The following MAPRE1 variants were observed in gnomAD, a reference collection of about 807,000 sequenced individuals.
The protein encoded by MAPRE1 is microtubule-associated protein RP/EB family member 1.
MAPRE1 carries 5 observed loss-of-function variants against 32.1 expected under a neutral mutation model. The observed-to-expected ratio is 0.16, with a 90% CI of 0.08 to 0.33. The LOEUF (loss-of-function observed/expected upper bound fraction) is 0.33. MAPRE1 is among the 10% of genes least tolerant of loss of function. The pLI is 1.00. For synonymous variants in MAPRE1, 122 were observed against 118.9 expected (o/e 1.03, Z -0.17); for missense variants, 209 against 327.2 (o/e 0.64, Z 2.79).
At chr20:32,843,380 G>T (rs1443444357) in intron 5 of MAPRE1, 3 of 152,172 alleles carry the variant, frequency 2.0e-5, no homozygotes, top group Non-Finnish European at 4.4e-5. Flanking sequence ...GATCTGCAAA[G>T]ATTCTACATT....
chr20:32,828,939 G>A (rs530538762), intron 2 of MAPRE1, among the ~76,000 whole-genome samples: 23 of 149,304 alleles, frequency 1.5e-4, no homozygotes, highest in African/African-American at 5.4e-4. Context: ...TTTGTCAGTT[G>A]TTTTTTTTTT....
chr20:32,832,372 G>A (rs1431255430), intron 2 of MAPRE1, among the ~76,000 whole-genome samples: 1 of 135,848 alleles, frequency 7.4e-6, no homozygotes, highest in Non-Finnish European at 1.5e-5. Flanking sequence ...GAAAGTTTAA[G>A]CAGTAATAAA....
intron 2 of MAPRE1, among the ~76,000 whole-genome samples, chr20:32,832,625 G>A (rs759649289): frequency 3.3e-5 from 5 of 151,692 alleles, no homozygotes; most frequent in East Asian, 1.9e-4. Flanking sequence ...ATGCCAACAC[G>A]CCAAGCTAAT....
At chr20:32,826,205 C>G (rs1200383070) in intron 2 of MAPRE1, among the ~76,000 whole-genome samples, 157 bp downstream of exon 2, 2 of 146,784 alleles carry the variant, frequency 1.4e-5, no homozygotes, top group African/African-American at 2.5e-5. Flanking sequence ...GCTTCTGCTT[C>G]CAAAGGAACT....
At chr20:32,827,530 C>T (rs891819991) in intron 2 of MAPRE1, among the ~76,000 whole-genome samples, 6 of 152,132 alleles carry the variant, frequency 3.9e-5, no homozygotes, top group African/African-American at 7.2e-5. Flanking sequence ...CTTATAATTC[C>T]ACTATTCAAG....
intron 3 of MAPRE1, among the ~76,000 whole-genome samples, chr20:32,834,636 A>T (rs563953476): frequency 4.0e-5 from 6 of 151,322 alleles, no homozygotes; most frequent in African/African-American, 1.5e-4. Flanking sequence ...GTTTTTTTTT[A>T]ATTTTAGTTT....
At position 32,839,866 on chromosome 20, in the gene MAPRE1, C is replaced by A. The variant is rs1409805428; in HGVS notation, c.597+10C>A. 1.2e-6 allele frequency: 2 copies of A among 1,613,812 alleles called. No homozygotes were observed. The highest frequency in any genetic ancestry group is 2.7e-5 in the African/African-American group (2 of 74,924). ...TGAGTTGATGCAGCAGGTGGGCACC[C>A]CTGTGTTTAGCACGTGAGTCACCTC... On this transcript the variant is annotated intron_variant, in intron 5 of 6. Coordinates refer to ENST00000375571, the MANE Select transcript of MAPRE1 (RefSeq NM_012325.3).
chr20:32,831,370 CTT>C (rs1338374992), intron 2 of MAPRE1, among the ~76,000 whole-genome samples: 1 of 151,256 alleles, frequency 6.6e-6, no homozygotes, highest in African/African-American at 2.4e-5. Flanking sequence ...GATTCTTTCT[CTT>C]TTTAGAAATA....
chr20:32,827,129 G>T (rs1259710960), intron 2 of MAPRE1, among the ~76,000 whole-genome samples: 1 of 152,178 alleles, frequency 6.6e-6, no homozygotes, highest in African/African-American at 2.4e-5. Context: ...TTAAAGTCTC[G>T]GTGTGGTGGC....
chr20:32,827,791 A>C (rs1266333327), intron 2 of MAPRE1, among the ~76,000 whole-genome samples: 1 of 151,600 alleles, frequency 6.6e-6, no homozygotes, highest in East Asian at 2.0e-4. Flanking sequence ...GCTACCCGGG[A>C]GGCTGAGGCA....
chr20:32,844,074 G>A (rs896960885), intron 5 of MAPRE1, among the ~76,000 whole-genome samples: 1 of 152,034 alleles, frequency 6.6e-6, no homozygotes, highest in African/African-American at 2.4e-5. Flanking sequence ...GGCCGGTCTC[G>A]AACTCCTGAC....
chr20:32,830,854 G>T (rs1203033279), intron 2 of MAPRE1, among the ~76,000 whole-genome samples: 1 of 151,630 alleles, frequency 6.6e-6, no homozygotes, highest in African/African-American at 2.4e-5. Flanking sequence ...CTCCCAAGTA[G>T]CTGGGACTAC....
At position 32,848,719 on chromosome 20, in the gene MAPRE1, A is replaced by G; in HGVS notation, c.798A>G (p.Glu266=). 2 of 1,612,740 alleles carry G rather than the reference A, an allele frequency of 1.2e-6. No homozygotes were observed. The highest frequency in any genetic ancestry group is 1.7e-6 in the Non-Finnish European group (2 of 1,179,392). ...AAGGGGGCCCACAGGAGGAGCAAGA[A>G]GAGTATTAACAGCCTGGACCAGCAG... The part of the protein sequence containing the change: ...PDEGGPQEEQ[E]EY Residue 266 remains glutamate, a synonymous_variant, in exon 7 of 7, where the codon GAA becomes GAG. Transcript: ENST00000375571.
chr20:32,821,242 C>T (rs1006851429), intron 1 of MAPRE1, among the ~76,000 whole-genome samples: 3 of 152,202 alleles, frequency 2.0e-5, no homozygotes, highest in Admixed American at 1.3e-4. Context: ...TTGTCGAACT[C>T]CTGACCTCAA....
chr20:32,832,173 C>T lies in MAPRE1; in HGVS notation c.122-1544C>T, dbSNP rs572276268. 9.2e-5 allele frequency among the ~76,000 whole-genome samples: 14 copies of T among 152,274 alleles called. 1 individual carries two copies. In the South Asian group the frequency reaches 2.5e-3, roughly 27 times the overall value. ...GCAGAGAACTGGTTCGGCCTGACCT[C>T]AAGTAAGTTGAATATGCATTTTATG... is the stretch of plus-strand genomic sequence containing the variant. On this transcript the variant is annotated intron_variant, in intron 2 of 6. Coordinates refer to ENST00000375571, the MANE Select transcript of MAPRE1 (RefSeq NM_012325.3).
chr20:32,839,976 G>C lies in MAPRE1; in HGVS notation c.597+120G>C, dbSNP rs553666100. The C allele has an allele frequency of 1.9e-4, 266 of 1,386,546 alleles. No homozygotes were observed. In the African/African-American group the frequency reaches 3.5e-3, roughly 18 times the overall value. The allele number at this position is 1,386,546 out of a possible 1,614,324, so 85.9% of individuals were successfully genotyped here. ...GCCTTGTTTGCTTGCCAGAGCATGT[G>C]ACACGTGTGAGCCTCAGGTGCTGTG... On this transcript the variant is annotated intron_variant, in intron 5 of 6. Transcript: ENST00000375571.
intron 2 of MAPRE1, among the ~76,000 whole-genome samples, chr20:32,831,512 A>G (rs1456234713): frequency 1.4e-5 from 2 of 146,158 alleles, no homozygotes; most frequent in East Asian, 2.0e-4. Context: ...AGTTTCATTC[A>G]TAAGTCATTG....
At chr20:32,825,830 T>C in intron 1 of MAPRE1, 95 bp from the exon 2 acceptor site, 2 of 911,206 alleles carry the variant, frequency 2.2e-6, no homozygotes, top group Non-Finnish European at 1.6e-6. Context: ...TGAGTGTTCC[T>C]ACAGGTTTGC....
chr20:32,821,758 A>G (rs1982709290), intron 1 of MAPRE1, among the ~76,000 whole-genome samples: 2 of 152,314 alleles, frequency 1.3e-5, no homozygotes, highest in Non-Finnish European at 2.9e-5. Flanking sequence ...TGAAAGTAAT[A>G]GAGTGCTTTA....
Sources: allele counts gnomAD v4.1 joint callset (sites outside exome capture counted in the v4.1 genomes callset), GRCh38; gene constraint gnomAD v4.1.1; transcripts MANE v1.5; gene names NCBI Gene and HGNC (gene_info 2026-07-23, HGNC 2026-07-21).